SLC22A15: variants seen among roughly 807,000 people sequenced by gnomAD.
The protein encoded by SLC22A15 is solute carrier family 22 member 15, also known as flipt 1.
In SLC22A15, 45 loss-of-function variants were observed where a neutral mutation model predicts 62.7. The observed-to-expected ratio is 0.72, with a 90% CI of 0.56 to 0.92. The LOEUF (loss-of-function observed/expected upper bound fraction) is 0.92. SLC22A15 is among the 40% of genes least tolerant of loss of function. The probability of loss-of-function intolerance (pLI) is 0.00; values close to 1 mark genes in which losing one functional copy is unlikely to be tolerated. For synonymous variants in SLC22A15, 264 were observed against 267.0 expected (o/e 0.99, Z 0.11); for missense variants, 622 against 665.6 (o/e 0.93, Z 0.72).
chr1:116,024,877 A>G (rs1169733917), intron 4 of SLC22A15, among the ~76,000 whole-genome samples: 1 of 152,124 alleles, frequency 6.6e-6, no homozygotes, highest in Non-Finnish European at 1.5e-5. Flanking sequence ...GCCCCATTTG[A>G]ACCACAGAGA....
intron 8 of SLC22A15, among the ~76,000 whole-genome samples, chr1:116,060,345 C>T (rs956177799): frequency 3.3e-5 from 5 of 152,176 alleles, no homozygotes; most frequent in African/African-American, 7.2e-5. Context: ...GACTAATGCA[C>T]GCATTCTGTG....
intron 5 of SLC22A15, 91 bp from the exon 6 acceptor site, chr1:116,031,275 G>A: frequency 3.2e-6 from 3 of 928,506 alleles, no homozygotes; most frequent in Non-Finnish European, 5.0e-6. Flanking sequence ...CATTTGTGGT[G>A]CAGGAATCCA....
chr1:115,993,428 A>AGAGAGTGTGTGT (rs1406043731), intron 2 of SLC22A15, among the ~76,000 whole-genome samples: 3 of 143,460 alleles, frequency 2.1e-5, no homozygotes, highest in African/African-American at 8.1e-5. Context: ...AGTGTGTGAG[A>AGAGAGTGTGTGT]GTGTGTGTGT....
chr1:116,064,074 C>A (rs1658442385), intron 9 of SLC22A15, among the ~76,000 whole-genome samples: 1 of 152,156 alleles, frequency 6.6e-6, no homozygotes, highest in Admixed American at 6.6e-5. Context: ...TATTCAAATG[C>A]TCATTTCTAT....
intron 8 of SLC22A15, 163 bp downstream of exon 8, chr1:116,037,551 C>A (rs553651827): frequency 2.6e-5 from 16 of 607,830 alleles, no homozygotes; most frequent in Non-Finnish European, 3.5e-5. Flanking sequence ...TTTGCTTCAG[C>A]TATTCTCTGG....
intron 7 of SLC22A15, 67 bp from the exon 8 acceptor site, chr1:116,037,236 G>T: frequency 7.5e-7 from 1 of 1,342,192 alleles, no homozygotes; most frequent in Admixed American, 1.7e-5. Flanking sequence ...AAATAAGAAG[G>T]TTGGGAAGAA....
intron 8 of SLC22A15, among the ~76,000 whole-genome samples, chr1:116,060,870 G>A (rs1162207921): frequency 2.0e-5 from 3 of 152,210 alleles, no homozygotes; most frequent in African/African-American, 7.2e-5. Context: ...TAGCCTGGCA[G>A]AAGAGTTTGA....
intron 8 of SLC22A15, among the ~76,000 whole-genome samples, chr1:116,050,582 A>G (rs577693956): frequency 1.3e-5 from 2 of 152,330 alleles, no homozygotes; most frequent in Admixed American, 6.5e-5. Context: ...ACATACCTCA[A>G]TGTAACAAAA....
At chr1:115,978,741 C>T (rs10923924) in intron 1 of SLC22A15, among the ~76,000 whole-genome samples, 6 of 152,118 alleles carry the variant, frequency 3.9e-5, no homozygotes, top group East Asian at 1.9e-4. Context: ...TTTTGTATTA[C>T]GGCAGCTGGT....
rs541129652 is a variant in SLC22A15, at chr1:116,066,599, C to T, written c.1445C>T (p.Pro482Leu). The change falls in exon 11 of 12, where the codon CCG becomes CTG. Residue 482 changes from proline (P) to leucine (L), a missense_variant. Physicochemically the swap from Pro to Leu is moderately conservative, Grantham distance 98. Coordinates refer to ENST00000369503, the MANE Select transcript of SLC22A15 (RefSeq NM_018420.3). ...LTSGLLSLLL[P>L]ETLNSPLLET... ...TCCGGCCTCCTGAGTTTGTTATTGC[C>T]GGAGACCCTTAACAGTCCGCTGCTA... The T allele has an allele frequency of 1.6e-5, 25 of 1,609,258 alleles. No homozygotes were observed. Among genetic ancestry groups the T allele is most frequent in the East Asian group, 4.5e-5 (2 of 44,688 alleles).
chr1:116,063,339 A>T (rs1658426267), intron 9 of SLC22A15, among the ~76,000 whole-genome samples: 1 of 152,240 alleles, frequency 6.6e-6, no homozygotes, highest in African/African-American at 2.4e-5. Context: ...AGCAATTGTT[A>T]AAACTGGGTT....
At chr1:115,998,525 A>G (rs1297961613) in intron 2 of SLC22A15, among the ~76,000 whole-genome samples, 1 of 152,042 alleles carries the variant, frequency 6.6e-6, no homozygotes, top group Non-Finnish European at 1.5e-5. Context: ...GGAAAGTTGT[A>G]TGTGTCTAGG....
chr1:116,067,134 C>T lies in SLC22A15; in HGVS notation c.*26C>T, dbSNP rs1302624596. 4.4e-6 allele frequency: 7 copies of T among 1,576,254 alleles called. No homozygotes were observed. The highest frequency in any genetic ancestry group is 6.1e-6 in the Non-Finnish European group (7 of 1,151,798). ...AGAGCCCCAGATTCCCCCTAAGAAG[C>T]AAAGGATCGTCTTTTATGCCTCTGG... On this transcript the variant is annotated 3_prime_UTR_variant, in exon 12 of 12. Transcript: ENST00000369503.
In SLC22A15 at chr1:116,031,434, A is replaced by G. The variant is rs190676695; in HGVS notation, c.797A>G (p.Tyr266Cys). 2.5e-6 allele frequency: 4 copies of G among 1,613,890 alleles called. No homozygotes were observed. The African/African-American group carries it at 4.0e-5, about 16-fold the overall frequency. The change falls in exon 6 of 12, where the codon TAC becomes TGC. Residue 266 changes from tyrosine (Y) to cysteine (C), a missense_variant. Transcript: ENST00000369503. ...CTGAGTGAGGCTGAAGAGGCGCTGT[A>G]CCTCATTGCCAAGAGGAACCGCAAA... is the stretch of plus-strand genomic sequence containing the variant. ...GRLSEAEEAL[Y>C]LIAKRNRKLK... is the part of the protein sequence containing the mutation.
At chr1:116,027,055 A>T (rs759598402) in intron 5 of SLC22A15, 33 bp downstream of exon 5, 2 of 1,603,876 alleles carry the variant, frequency 1.2e-6, no homozygotes, top group Non-Finnish European at 1.7e-6. Flanking sequence ...GTTTTAATTT[A>T]AAAAGCCAAA....
intron 8 of SLC22A15, among the ~76,000 whole-genome samples, chr1:116,052,785 C>T (rs935805511): frequency 6.6e-6 from 1 of 152,154 alleles, no homozygotes; most frequent in Non-Finnish European, 1.5e-5. Context: ...CTGCTGATAC[C>T]CAGGCAAACA....
intron 2 of SLC22A15, among the ~76,000 whole-genome samples, chr1:115,994,154 C>T (rs963279034): frequency 6.6e-6 from 1 of 151,986 alleles, no homozygotes; most frequent in Admixed American, 6.6e-5. Context: ...TTTGTATTTC[C>T]GTGGCCTATA....
intron 2 of SLC22A15, among the ~76,000 whole-genome samples, chr1:116,014,292 C>T (rs959049012): frequency 5.3e-5 from 8 of 152,176 alleles, no homozygotes; most frequent in Non-Finnish European, 1.0e-4. Context: ...ATGTTAGAGG[C>T]ACCTGCTATT....
At chr1:115,992,290 C>T (rs763718087) in intron 2 of SLC22A15, 47 bp downstream of exon 2, 4 of 1,390,990 alleles carry the variant, frequency 2.9e-6, no homozygotes, top group Non-Finnish European at 4.0e-6. Context: ...TCTCTTTGTC[C>T]ACATAGAGCT....
Sources: allele counts gnomAD v4.1 joint callset (sites outside exome capture counted in the v4.1 genomes callset), GRCh38; gene constraint gnomAD v4.1.1; transcripts MANE v1.5; gene names NCBI Gene and HGNC (gene_info 2026-07-23, HGNC 2026-07-21).